ASPRV1: variants seen among roughly 807,000 people sequenced by gnomAD.
ASPRV1 encodes retroviral-like aspartic protease 1.
A neutral mutation model predicts 11.0 loss-of-function variants in ASPRV1; 7 were observed. That is an observed-to-expected ratio of 0.64 (90% CI 0.36 to 1.20). The LOEUF (loss-of-function observed/expected upper bound fraction) is 1.20. Ranked by LOEUF, ASPRV1 falls within the 50% of genes most tolerant of loss-of-function variation. The pLI is 0.02. For missense variants in ASPRV1, 299 were observed against 320.0 expected, an observed-to-expected ratio of 0.93 and a Z score of 0.50; for synonymous variants, 136 against 138.4, an observed-to-expected ratio of 0.98 and a Z score of 0.12.
the ASPRV1 span, among the ~76,000 whole-genome samples, chr2:70,048,211 C>T: frequency 4.7e-5 from 7 of 149,472 alleles, no homozygotes; most frequent in Admixed American, 4.0e-4. Flanking sequence ...GTCAGGAGAT[C>T]GAGACCATCC....
At chr2:70,041,002 A>T in the ASPRV1 span, among the ~76,000 whole-genome samples, 4 of 152,242 alleles carry the variant, frequency 2.6e-5, no homozygotes, top group African/African-American at 9.6e-5. Context: ...CTTTCAGAAG[A>T]AATGGCAAAA....
the ASPRV1 span, among the ~76,000 whole-genome samples, chr2:70,012,726 A>G: frequency 1.3e-5 from 2 of 152,146 alleles, no homozygotes; most frequent in Admixed American, 1.3e-4. Context: ...TCTTATTAAT[A>G]CTCTGTACAC....
the ASPRV1 span, among the ~76,000 whole-genome samples, chr2:70,029,499 C>A: frequency 1.3e-5 from 2 of 151,950 alleles, no homozygotes; most frequent in Non-Finnish European, 2.9e-5. Context: ...ATGAGCCAGG[C>A]GTGGTGGTGC....
the ASPRV1 span, among the ~76,000 whole-genome samples, chr2:70,068,152 G>A: frequency 1.4e-4 from 21 of 152,182 alleles, no homozygotes; most frequent in Non-Finnish European, 2.9e-4. Flanking sequence ...CACCAAAATC[G>A]CAACACACAC....
the ASPRV1 span, among the ~76,000 whole-genome samples, chr2:70,002,156 C>T: frequency 6.6e-6 from 1 of 152,258 alleles, no homozygotes; most frequent in Non-Finnish European, 1.5e-5. Context: ...GCAGAGACCC[C>T]GCAGGTAATG....
chr2:70,070,922 G>A, the ASPRV1 span: 1 of 151,994 alleles, frequency 6.6e-6, no homozygotes, highest in African/African-American at 2.4e-5. Flanking sequence ...TGGACCAGAT[G>A]ACTTCGAATG....
chr2:69,983,871 G>C, the ASPRV1 span, among the ~76,000 whole-genome samples: 1 of 152,168 alleles, frequency 6.6e-6, no homozygotes, highest in Non-Finnish European at 1.5e-5. Context: ...ATCCAAGCCA[G>C]CCAGTAAGAC....
chr2:70,065,323 G>A, the ASPRV1 span, among the ~76,000 whole-genome samples: 3 of 146,048 alleles, frequency 2.1e-5, no homozygotes, highest in Non-Finnish European at 3.0e-5. Context: ...CCCAGGAGGC[G>A]GAGCTTGCAA....
the ASPRV1 span, among the ~76,000 whole-genome samples, chr2:70,063,654 T>TG: frequency 6.6e-6 from 1 of 151,990 alleles, no homozygotes; most frequent in Non-Finnish European, 1.5e-5. Context: ...GAAATTTAGG[T>TG]GGGGGAAAAG....
At chr2:70,061,040 T>C in the ASPRV1 span, among the ~76,000 whole-genome samples, 1 of 152,112 alleles carries the variant, frequency 6.6e-6, no homozygotes, top group Non-Finnish European at 1.5e-5. Flanking sequence ...TGCTAACAGT[T>C]TCTTTATATA....
chr2:69,953,874 ATTTT>A, the ASPRV1 span, among the ~76,000 whole-genome samples: 1 of 141,666 alleles, frequency 7.1e-6, no homozygotes, highest in Non-Finnish European at 1.6e-5. Context: ...TGCCCGGCTA[ATTTT>A]TTTTTTTTTT....
At chr2:70,012,086 G>A in the ASPRV1 span, 1 of 152,102 alleles carries the variant, frequency 6.6e-6, no homozygotes, top group Non-Finnish European at 1.5e-5. Flanking sequence ...TATAGGCCAT[G>A]GCTCTCAAAT....
In ASPRV1 at chr2:69,960,694, G is replaced by A; in HGVS notation, c.743C>T (p.Pro248Leu). The A allele has an allele frequency of 3.7e-6, 6 of 1,613,948 alleles. No homozygotes were observed. Among genetic ancestry groups the A allele is most frequent in the Non-Finnish European group, 5.1e-6 (6 of 1,179,988 alleles). ...EFDLELIEED[P>L]SSEEGRQELS... is the part of the protein sequence containing the mutation. ...CTCCTGCCGCCCTTCTTCTGAGGAGGGGTCCTCCTCTATGAGCTCCAGGTC... is the reference window on the plus strand; with the variant it reads ...CTCCTGCCGCCCTTCTTCTGAGGAGAGGTCCTCCTCTATGAGCTCCAGGTC... Residue 248 changes from proline (P) to leucine (L), a missense_variant, in exon 1 of 1, where the codon CCC becomes CTC. Physicochemically the swap from Pro to Leu is moderately conservative, Grantham distance 98. Transcript: ENST00000320256.
chr2:69,980,419 A>G, the ASPRV1 span, among the ~76,000 whole-genome samples: 1 of 152,260 alleles, frequency 6.6e-6, no homozygotes, highest in South Asian at 2.1e-4. Flanking sequence ...CTGCAATGCT[A>G]TTTGTGGGAA....
At chr2:70,082,059 C>T in the ASPRV1 span, among the ~76,000 whole-genome samples, 1 of 152,046 alleles carries the variant, frequency 6.6e-6, no homozygotes. Flanking sequence ...CTCACTGCAA[C>T]CTCTGCCTCC....
chr2:69,950,061 C>T, the ASPRV1 span, among the ~76,000 whole-genome samples: 1 of 152,178 alleles, frequency 6.6e-6, no homozygotes, highest in Admixed American at 6.5e-5. Context: ...GGTGATCCAC[C>T]TGCCTCAGCC....
chr2:69,960,599 C>CA lies in ASPRV1; in HGVS notation c.*57_*58insT, dbSNP rs1678053841. On this transcript the variant is annotated 3_prime_UTR_variant, in exon 1 of 1. Coordinates refer to ENST00000320256, the MANE Select transcript of ASPRV1 (RefSeq NM_152792.4). ...TGACCCCCATGAGGATATGCAACCC[C>CA]CCCCACAGCGGTGGGTCTTCCCACC... The CA allele has an allele frequency of 6.6e-7, 1 of 1,521,462 alleles. No individual in the cohort carries two copies. The highest frequency in any genetic ancestry group is 1.9e-5 in the Admixed American group (1 of 53,498). 94.2% of individuals were successfully genotyped at this position (1,521,462 alleles called of 1,614,324 possible). A position where few individuals can be genotyped will look rare whatever the true frequency, so the allele number is the denominator to read the frequency against.
the ASPRV1 span, among the ~76,000 whole-genome samples, chr2:70,025,462 G>A: frequency 6.6e-6 from 1 of 152,302 alleles, no homozygotes; most frequent in East Asian, 1.9e-4. Flanking sequence ...GAAAGAAAAG[G>A]ATGGAGATGA....
At chr2:70,069,325 C>G in the ASPRV1 span, 13 of 152,216 alleles carry the variant, frequency 8.5e-5, no homozygotes, top group African/African-American at 2.9e-4. Flanking sequence ...CAAAGATCAA[C>G]AGAGCCAGGA....
Sources: allele counts gnomAD v4.1 joint callset (sites outside exome capture counted in the v4.1 genomes callset), GRCh38; gene constraint gnomAD v4.1.1; transcripts MANE v1.5; gene names NCBI Gene and HGNC (gene_info 2026-07-23, HGNC 2026-07-21).